Variants in RAB6A observed in about 807,000 individuals in gnomAD.
RAB6A encodes RAB6A, member RAS oncogene family, also known as ras-related protein Rab-6A.
A neutral mutation model predicts 32.3 loss-of-function variants in RAB6A; 8 were observed. The observed-to-expected ratio is 0.25, with a 90% CI of 0.15 to 0.45. The LOEUF (loss-of-function observed/expected upper bound fraction) is 0.45. Among genes scored for constraint, RAB6A ranks in the 20% least tolerant of loss-of-function variants. The pLI is 1.00. For missense variants in RAB6A, 104 were observed against 249.4 expected (o/e 0.42, Z 3.93); for synonymous variants, 73 against 82.1 (o/e 0.89, Z 0.60).
chr11:73,753,135 A>T (rs1400696635), intron 1 of RAB6A, among the ~76,000 whole-genome samples: 1 of 151,992 alleles, frequency 6.6e-6, no homozygotes, highest in Non-Finnish European at 1.5e-5. Flanking sequence ...CTCTAATCCC[A>T]ACAGCTCCAG....
At position 73,760,717 on chromosome 11, in the gene RAB6A, G is replaced by A. The variant is rs1946832445; in HGVS notation, c.-82C>T. The A allele has an allele frequency of 2.0e-6, 3 of 1,537,850 alleles. No homozygotes were observed. Among genetic ancestry groups the A allele is most frequent in the South Asian group, 2.4e-5 (2 of 83,678 alleles). On this transcript the variant is annotated 5_prime_UTR_variant, in exon 1 of 8. Transcript: ENST00000336083. ...GCTCCAGCCAGCTGACGAAAAAGGCGAGCGGAAGGGCGGGCACCGAGCTCT... is the reference window on the plus strand; with the variant it reads ...GCTCCAGCCAGCTGACGAAAAAGGCAAGCGGAAGGGCGGGCACCGAGCTCT...
At chr11:73,709,883 A>G (rs979253872) in intron 5 of RAB6A, among the ~76,000 whole-genome samples, 3 of 148,096 alleles carry the variant, frequency 2.0e-5, no homozygotes, top group Non-Finnish European at 4.5e-5. Flanking sequence ...ATACATACAT[A>G]TATACATATA....
chr11:73,702,167 GTTTT>G (rs958308878), intron 6 of RAB6A, among the ~76,000 whole-genome samples: 1 of 151,972 alleles, frequency 6.6e-6, no homozygotes, highest in Non-Finnish European at 1.5e-5. Flanking sequence ...TATATAAGGT[GTTTT>G]TTTGTTTATT....
intron 5 of RAB6A, among the ~76,000 whole-genome samples, 185 bp from the exon 6 acceptor site, chr11:73,707,698 A>AT (rs1158254294): frequency 2.0e-5 from 3 of 152,144 alleles, no homozygotes; most frequent in Non-Finnish European, 4.4e-5. Context: ...TATACTTAAC[A>AT]TTTTTTTAAA....
intron 1 of RAB6A, among the ~76,000 whole-genome samples, chr11:73,731,715 TATATATATATATATATACACACAC>T (rs1565370022): frequency 2.2e-3 from 42 of 19,270 alleles, no homozygotes; most frequent in South Asian, 8.5e-3. Flanking sequence ...TATATATATA[TATATATATATATATATACACACAC>T]ACACACATAT....
chr11:73,731,755 T>C (rs1946316986), intron 1 of RAB6A, among the ~76,000 whole-genome samples: 1 of 138,884 alleles, frequency 7.2e-6, no homozygotes, highest in South Asian at 2.3e-4. Context: ...CATATTTTCT[T>C]TTTTTTTTAG....
chr11:73,747,008 G>A (rs892403229), intron 1 of RAB6A, among the ~76,000 whole-genome samples: 2 of 150,016 alleles, frequency 1.3e-5, no homozygotes, highest in East Asian at 2.0e-4. Flanking sequence ...CAATCTCGGC[G>A]CACTGCAACC....
At chr11:73,727,442 AG>A (rs1227079264) in intron 2 of RAB6A, among the ~76,000 whole-genome samples, 1 of 151,194 alleles carries the variant, frequency 6.6e-6, no homozygotes, top group Non-Finnish European at 1.5e-5. Flanking sequence ...AAAAAAAAAA[AG>A]AACTTTTTTT....
chr11:73,679,758 C>CATTT (rs750840835), intron 6 of RAB6A, 38 bp from the exon 7 acceptor site: 1 of 1,611,190 alleles, frequency 6.2e-7, no homozygotes, highest in Non-Finnish European at 8.5e-7. Flanking sequence ...TGAGAGGGAA[C>CATTT]ATTTAGCAAA....
intron 5 of RAB6A, among the ~76,000 whole-genome samples, chr11:73,711,673 C>T (rs181789941): frequency 5.9e-5 from 9 of 152,244 alleles, no homozygotes; most frequent in African/African-American, 2.2e-4. Flanking sequence ...GGCTAAATGT[C>T]GATATTAGAT....
chr11:73,689,922 G>A (rs200796024), intron 6 of RAB6A, among the ~76,000 whole-genome samples: 8 of 145,422 alleles, frequency 5.5e-5, no homozygotes, highest in African/African-American at 1.5e-4. Context: ...AAAAAAGACC[G>A]ACTCAGGCAT....
intron 1 of RAB6A, among the ~76,000 whole-genome samples, chr11:73,733,226 A>C (rs1946345003): frequency 6.6e-6 from 1 of 152,158 alleles, no homozygotes; most frequent in Non-Finnish European, 1.5e-5. Flanking sequence ...AAAAATCATC[A>C]AGCCATCCCT....
At chr11:73,685,568 T>TG (rs1340877325) in intron 6 of RAB6A, among the ~76,000 whole-genome samples, 8 of 135,264 alleles carry the variant, frequency 5.9e-5, no homozygotes, top group African/African-American at 1.8e-4. Context: ...ATTACAAGTG[T>TG]GAGCCACCAC....
At chr11:73,734,327 T>C (rs1265836614) in intron 1 of RAB6A, among the ~76,000 whole-genome samples, 1 of 152,222 alleles carries the variant, frequency 6.6e-6, no homozygotes, top group Non-Finnish European at 1.5e-5. Context: ...AGTTTCACCA[T>C]GTTGGCCAGG....
intron 1 of RAB6A, among the ~76,000 whole-genome samples, chr11:73,743,323 A>AG (rs2061682206): frequency 6.7e-6 from 1 of 150,346 alleles, no homozygotes; most frequent in South Asian, 2.1e-4. Flanking sequence ...AAAAAAAAAG[A>AG]GAAAAAAGAA....
At chr11:73,710,822 C>A (rs1000495232) in intron 5 of RAB6A, among the ~76,000 whole-genome samples, 4 of 151,340 alleles carry the variant, frequency 2.6e-5, no homozygotes, top group Non-Finnish European at 5.9e-5. Context: ...GATTGTAGCT[C>A]ACTGTAACCT....
intron 1 of RAB6A, 118 bp downstream of exon 1, chr11:73,760,448 G>A: frequency 7.4e-7 from 1 of 1,347,198 alleles, no homozygotes. Flanking sequence ...AAGGGCTGCG[G>A]TGGCAACGAG....
At chr11:73,687,280 T>C (rs1457352018) in intron 6 of RAB6A, among the ~76,000 whole-genome samples, 1 of 152,122 alleles carries the variant, frequency 6.6e-6, no homozygotes, top group African/African-American at 2.4e-5. Context: ...TTTACAAGAA[T>C]GAAAAGGGTT....
chr11:73,717,042 A>G (rs978744595), intron 4 of RAB6A, among the ~76,000 whole-genome samples: 3 of 152,264 alleles, frequency 2.0e-5, no homozygotes, highest in Non-Finnish European at 4.4e-5. Context: ...TGCTGTGGTT[A>G]AAGTAAGCAC....
Sources: gnomAD v4.1 joint callset for allele counts (sites outside exome capture counted in the v4.1 genomes callset) on GRCh38, gnomAD v4.1.1 for gene constraint, MANE v1.5 for transcripts, NCBI Gene and HGNC (gene_info 2026-07-23, HGNC 2026-07-21) for gene names.